Variants in ALPK1 observed in about 807,000 individuals in gnomAD.
ALPK1 encodes alpha-protein kinase 1.
ALPK1 carries 110 observed loss-of-function variants against 120.6 expected under a neutral mutation model. That is an observed-to-expected ratio of 0.91 (90% CI 0.78 to 1.07). The LOEUF (loss-of-function observed/expected upper bound fraction) is 1.07. ALPK1 is among the 50% of genes least tolerant of loss of function. ALPK1 has a pLI of 0.00. For missense variants in ALPK1, 1,498 were observed against 1,483.9 expected (o/e 1.01, Z -0.16); for synonymous variants, 582 against 560.3 (o/e 1.04, Z -0.55).
At chr4:112,356,741 G>A (rs866774727) in intron 2 of ALPK1, 9 of 835,160 alleles carry the variant, frequency 1.1e-5, no homozygotes, top group Middle Eastern at 2.3e-4. Context: ...AAGCAAGCAC[G>A]GAGTATGCCC....
rs1734409801 is a variant in ALPK1, at chr4:112,429,135, C to T, written c.796-14C>T. 3 of 1,609,996 alleles carry T rather than the reference C, an allele frequency of 1.9e-6. No individual in the cohort carries two copies. The highest frequency in any genetic ancestry group is 1.7e-6 in the Non-Finnish European group (2 of 1,177,086). On this transcript the variant is annotated splice_polypyrimidine_tract_variant and intron_variant, in intron 9 of 15. Transcript: ENST00000650871. ...AATTATCACCATTCCACTTAGCCTC[C>T]TGTTTTCTCACAGAGCCTGCTGAAG...
intron 5 of ALPK1, 129 bp downstream of exon 5, chr4:112,412,154 G>A: frequency 8.9e-7 from 1 of 1,121,934 alleles, no homozygotes; most frequent in South Asian, 1.4e-5. Flanking sequence ...CGAGCCCGGG[G>A]CTCCCCTCCC....
intron 2 of ALPK1, among the ~76,000 whole-genome samples, chr4:112,352,155 A>G (rs1463396054): frequency 6.6e-6 from 1 of 152,180 alleles, no homozygotes; most frequent in Non-Finnish European, 1.5e-5. Context: ...TTGGGTTTTC[A>G]TTTTATTCTT....
intron 2 of ALPK1, chr4:112,342,916 TA>T (rs1729921486): frequency 1.3e-5 from 2 of 152,214 alleles, no homozygotes; most frequent in South Asian, 4.1e-4. Flanking sequence ...GGGCCCAGAA[TA>T]CATGGGACCT....
rs560266258 is a variant in ALPK1, at chr4:112,407,328, G to C, written c.277-4499G>C. Among the ~76,000 whole-genome samples, 109 of 152,272 alleles carry C rather than the reference G, an allele frequency of 7.2e-4. 1 individual carries two copies. The South Asian group carries it at 0.019, about 27-fold the overall frequency. The stretch of plus-strand genomic sequence containing the variant: ...ATGCATTTTTTACCACTATGAAAGA[G>C]AGAAACCAGGAACACTGGCTTATGC... On this transcript the variant is annotated intron_variant, in intron 4 of 15. Coordinates refer to ENST00000650871, the MANE Select transcript of ALPK1 (RefSeq NM_025144.4).
intron 1 of ALPK1, among the ~76,000 whole-genome samples, chr4:112,310,906 T>A (rs1337190151): frequency 6.6e-5 from 10 of 151,874 alleles, no homozygotes; most frequent in Non-Finnish European, 1.5e-4. Flanking sequence ...TGCTGAACTT[T>A]GGGAGAGCGG....
intron 2 of ALPK1, among the ~76,000 whole-genome samples, chr4:112,366,664 A>T (rs1731169060): frequency 6.7e-6 from 1 of 148,892 alleles, no homozygotes; most frequent in African/African-American, 2.5e-5. Flanking sequence ...CTAAAAGTAG[A>T]ACTACCATTT....
intron 5 of ALPK1, among the ~76,000 whole-genome samples, chr4:112,413,149 TAAC>T (rs1733565583): frequency 6.6e-6 from 1 of 152,216 alleles, no homozygotes; most frequent in Non-Finnish European, 1.5e-5. Flanking sequence ...GAAAGAAACC[TAAC>T]AACTGTTGTT....
chr4:112,300,348 T>A (rs1177606975), intron 1 of ALPK1, among the ~76,000 whole-genome samples: 3 of 151,984 alleles, frequency 2.0e-5, no homozygotes, highest in Non-Finnish European at 2.9e-5. Context: ...CATAACATGA[T>A]ATTCTTACAA....
chr4:112,429,591 T>C (rs1402577958), intron 10 of ALPK1, among the ~76,000 whole-genome samples: 4 of 152,128 alleles, frequency 2.6e-5, no homozygotes, highest in African/African-American at 9.7e-5. Flanking sequence ...CCCATCACTT[T>C]GGGAGGCCAA....
At chr4:112,412,137 A>G in intron 5 of ALPK1, 112 bp downstream of exon 5, 1 of 1,342,122 alleles carries the variant, frequency 7.5e-7, no homozygotes, top group Non-Finnish European at 1.0e-6. Context: ...CCTGCGTGCC[A>G]TCTTTCCGAG....
chr4:112,393,154 C>T (rs1300403355), intron 4 of ALPK1, among the ~76,000 whole-genome samples: 1 of 152,118 alleles, frequency 6.6e-6, no homozygotes, highest in Non-Finnish European at 1.5e-5. Flanking sequence ...ACAGATGTGG[C>T]CATTGGTCAA....
intron 5 of ALPK1, among the ~76,000 whole-genome samples, chr4:112,413,260 T>C (rs1733574277): frequency 6.6e-6 from 1 of 152,152 alleles, no homozygotes. Flanking sequence ...GGTTCTAATA[T>C]TGGTTCTCAT....
chr4:112,346,187 C>T (rs920479425), intron 2 of ALPK1, among the ~76,000 whole-genome samples: 4 of 152,162 alleles, frequency 2.6e-5, no homozygotes, highest in African/African-American at 9.7e-5. Flanking sequence ...TTAAATATAA[C>T]CACACTACTT....
intron 2 of ALPK1, among the ~76,000 whole-genome samples, chr4:112,332,195 C>A (rs1729410577): frequency 6.6e-6 from 1 of 152,098 alleles, no homozygotes; most frequent in Non-Finnish European, 1.5e-5. Context: ...TTGTTTGGGA[C>A]CTTCCTTAAA....
chr4:112,356,937 A>G (rs1051423083), intron 2 of ALPK1: 1 of 760,342 alleles, frequency 1.3e-6, no homozygotes, highest in East Asian at 2.5e-5. Context: ...CTGACCCCCC[A>G]TGACCCGAGT....
rs957355871 is a variant in ALPK1 at position 112,441,046 on chromosome 4, T to C, written c.3668T>C (p.Val1223Ala). 6.2e-7 allele frequency: 1 copy of C among 1,613,996 alleles called. No individual in the cohort carries two copies. Among genetic ancestry groups the C allele is most frequent in the African/African-American group, 1.3e-5 (1 of 75,032 alleles). Residue 1223 changes from valine to alanine, a missense_variant, in exon 15 of 16, where the codon GTG becomes GCG. Physicochemically the swap from Val to Ala is moderately conservative, Grantham distance 64. Transcript: ENST00000650871. ...TTTTACTTCTTTAATAACCAGCATG[T>C]GGAATGTAATGAAATCTGCCATCGT... The part of the protein sequence containing the change: ...GIFYFFNNQH[V>A]ECNEICHRLS...
chr4:112,439,442 A>G (rs1734930509), intron 13 of ALPK1, among the ~76,000 whole-genome samples: 2 of 152,210 alleles, frequency 1.3e-5, no homozygotes, highest in African/African-American at 4.8e-5. Flanking sequence ...TTAATATGTG[A>G]ATGACAATAA....
chr4:112,388,973 A>G (rs1487420530), intron 4 of ALPK1, among the ~76,000 whole-genome samples: 1 of 152,078 alleles, frequency 6.6e-6, no homozygotes, highest in Non-Finnish European at 1.5e-5. Context: ...TCAAAGTCAC[A>G]ATCTGAACTC....
Sources: gnomAD v4.1 joint callset for allele counts (sites outside exome capture counted in the v4.1 genomes callset) on GRCh38, gnomAD v4.1.1 for gene constraint, MANE v1.5 for transcripts, NCBI Gene and HGNC (gene_info 2026-07-23, HGNC 2026-07-21) for gene names.